RAD52: variants seen among roughly 807,000 people sequenced by gnomAD.
RAD52 encodes DNA repair protein RAD52 homolog.
RAD52 carries 47 observed loss-of-function variants against 55.5 expected under a neutral mutation model. The ratio of observed to expected loss-of-function variants is 0.85; its 90% CI spans 0.67 to 1.08. The LOEUF (loss-of-function observed/expected upper bound fraction) is 1.08, where lower values mean the gene tolerates loss of function less well. Among genes scored for constraint, RAD52 ranks in the 50% least tolerant of loss-of-function variants. The pLI is 0.00. For synonymous variants in RAD52, 184 were observed against 198.9 expected (o/e 0.92, Z 0.63); for missense variants, 468 against 522.8 (o/e 0.90, Z 1.02).
At chr12:975,125 A>G (rs778936183) in intron 1 of RAD52, 1 of 151,816 alleles carries the variant, frequency 6.6e-6, no homozygotes, top group Non-Finnish European at 1.5e-5. Flanking sequence ...GAAATTAAAC[A>G]TCATAGGTAT....
intron 1 of RAD52, among the ~76,000 whole-genome samples, chr12:968,250 T>C (rs900465489): frequency 6.6e-6 from 1 of 152,112 alleles, no homozygotes; most frequent in Non-Finnish European, 1.5e-5. Context: ...AATGGTTGAA[T>C]CTTAGTAAAA....
chr12:952,885 T>C (rs908055361), upstream of RAD52, among the ~76,000 whole-genome samples: 7 of 112,906 alleles, frequency 6.2e-5, no homozygotes, highest in Non-Finnish European at 1.3e-4. Flanking sequence ...AGAACAAAAC[T>C]CTGTCTCAAA....
Position 912,728 on chromosome 12 carries a change from A to AAAAAAAC in RAD52, c.*662_*663insGTTTTTT, listed in dbSNP as rs1956157331. On this transcript the variant is annotated 3_prime_UTR_variant, in exon 12 of 12. Coordinates refer to ENST00000358495, the MANE Select transcript of RAD52 (RefSeq NM_134424.4). ...ACACAGCCAGACCCCGTCTCAAAAAAAAAAAAAAAAAAAAAAACAAAAAAC... is the reference window on the plus strand; with the variant it reads ...ACACAGCCAGACCCCGTCTCAAAAAAAAAAAACAAAAAAAAAAAAAAAAACAAAAAAC... The AAAAAAAC allele has an allele frequency of 1.8e-5, 2 of 112,546 alleles. No homozygotes were observed. The highest frequency in any genetic ancestry group is 3.8e-5 in the Non-Finnish European group (2 of 52,190). The allele number at this position is 112,546 out of a possible 1,614,324, so 7.0% of individuals were successfully genotyped here.
At chr12:925,167 G>C (rs1956962716) in intron 7 of RAD52, among the ~76,000 whole-genome samples, 1 of 151,982 alleles carries the variant, frequency 6.6e-6, no homozygotes, top group African/African-American at 2.4e-5. Context: ...AGCCAGGATG[G>C]TCTCGATCTC....
At chr12:917,926 C>CAAGA (rs1956495865) in intron 7 of RAD52, among the ~76,000 whole-genome samples, 1 of 151,968 alleles carries the variant, frequency 6.6e-6, no homozygotes, top group Non-Finnish European at 1.5e-5. Context: ...GGCGACAGAG[C>CAAGA]AAGACTGTGT....
upstream of RAD52, chr12:991,102 C>A (rs1402360377): frequency 6.6e-6 from 1 of 151,418 alleles, no homozygotes; most frequent in African/African-American, 2.4e-5. Context: ...CGTCACGCTC[C>A]CGGGAGGCTG....
chr12:927,767 G>A (rs779760911), intron 5 of RAD52, among the ~76,000 whole-genome samples: 2 of 152,092 alleles, frequency 1.3e-5, no homozygotes, highest in Non-Finnish European at 2.9e-5. Flanking sequence ...TCAGGAGACT[G>A]AGGCAGGAGA....
At chr12:916,251 CGGCCCA>C (rs1199430944) in intron 9 of RAD52, 87 bp downstream of exon 9, 14 of 1,540,104 alleles carry the variant, frequency 9.1e-6, no homozygotes, top group Non-Finnish European at 1.2e-5. Context: ...GGTTTGGAGC[CGGCCCA>C]GGGTTACCGC....
chr12:971,628 G>C (rs1565709889), intron 1 of RAD52, among the ~76,000 whole-genome samples: 1 of 152,096 alleles, frequency 6.6e-6, no homozygotes, highest in Admixed American at 6.6e-5. Flanking sequence ...AATATGGAAA[G>C]ATAATAAATT....
rs766789173 is a variant in RAD52, at chr12:913,988, C to T, written c.1101G>A (p.Gln367=). 3 of 1,614,172 alleles carry T rather than the reference C, an allele frequency of 1.9e-6. No homozygotes were observed. The highest frequency in any genetic ancestry group is 2.5e-6 in the Non-Finnish European group (3 of 1,180,030). Residue 367 remains glutamine, a synonymous_variant, in exon 11 of 12, where the codon CAG becomes CAA. Coordinates refer to ENST00000358495, the MANE Select transcript of RAD52 (RefSeq NM_134424.4). ...GGCAAACGCTGTGTGGAGTCCTGTT[C>T]TGGGTCACCATCTGGTTGTTCAAGG... ...TLALNNQMVT[Q]NRTPHSVCHQ... is the part of the protein sequence containing the mutation.
At chr12:935,947 G>A (rs1015161481) in intron 1 of RAD52, among the ~76,000 whole-genome samples, 7 of 149,324 alleles carry the variant, frequency 4.7e-5, no homozygotes, top group Non-Finnish European at 1.5e-5. Context: ...TCGAACTCCT[G>A]ACCTCAAGTG....
In RAD52 at chr12:912,472, C is replaced by CA. The variant is rs570726689; in HGVS notation, c.*918dup. 434 of 194,146 alleles carry CA rather than the reference C, an allele frequency of 2.2e-3. 2 individuals carry two copies. Among genetic ancestry groups the CA allele is most frequent in the African/African-American group, 8.6e-3 (370 of 43,196 alleles). The allele number at this position is 194,146 out of a possible 1,614,324, so 12.0% of individuals were successfully genotyped here. On this transcript the variant is annotated 3_prime_UTR_variant, in exon 12 of 12. Transcript: ENST00000358495. ...GTCTCATTATGTGTATACAAATATT[C>CA]AAAAAATGCAAAACAATTCTGGTTT... is the stretch of plus-strand genomic sequence containing the variant.
At chr12:944,013 C>T (rs929749149) in intron 1 of RAD52, among the ~76,000 whole-genome samples, 2 of 151,742 alleles carry the variant, frequency 1.3e-5, no homozygotes, top group Non-Finnish European at 2.9e-5. Context: ...GTGAGGAGTT[C>T]AAGACCAGCC....
chr12:921,963 C>T (rs976740134), intron 7 of RAD52, among the ~76,000 whole-genome samples: 7 of 149,820 alleles, frequency 4.7e-5, no homozygotes, highest in East Asian at 2.0e-4. Context: ...AAAATTAGCC[C>T]GGCATGGTGG....
At chr12:950,571 CAA>C (rs763764449), upstream of RAD52, among the ~76,000 whole-genome samples, 2 of 132,024 alleles carry the variant, frequency 1.5e-5, no homozygotes, top group East Asian at 2.2e-4. Flanking sequence ...GGCTCCGTCT[CAA>C]AAAAAAAAAA....
chr12:922,078 C>G (rs1565655915), intron 7 of RAD52, among the ~76,000 whole-genome samples: 1 of 150,774 alleles, frequency 6.6e-6, no homozygotes, highest in Non-Finnish European at 1.5e-5. Context: ...GCACTCCAGC[C>G]TGGGTAACAG....
chr12:944,931 T>C (rs1016635274), intron 1 of RAD52, among the ~76,000 whole-genome samples: 1 of 152,054 alleles, frequency 6.6e-6, no homozygotes, highest in African/African-American at 2.4e-5. Context: ...GACAAGGTGA[T>C]GGGTGAGATT....
chr12:957,596 G>T (rs973836564), intron 1 of RAD52, among the ~76,000 whole-genome samples: 1 of 151,934 alleles, frequency 6.6e-6, no homozygotes, highest in Non-Finnish European at 1.5e-5. Context: ...GATCATCCTG[G>T]GCAACATAGT....
At chr12:932,137 C>T (rs1424019712) in intron 2 of RAD52, among the ~76,000 whole-genome samples, 2 of 152,162 alleles carry the variant, frequency 1.3e-5, no homozygotes, top group Non-Finnish European at 2.9e-5. Context: ...GCAGGCAGAT[C>T]ACGAGGTCAG....
Sources: allele counts gnomAD v4.1 joint callset (sites outside exome capture counted in the v4.1 genomes callset), GRCh38; gene constraint gnomAD v4.1.1; transcripts MANE v1.5; gene names NCBI Gene and HGNC (gene_info 2026-07-23, HGNC 2026-07-21).